Variants in FHDC1 observed in about 807,000 individuals in gnomAD.
The protein encoded by FHDC1 is FH2 domain containing 1.
In FHDC1, 25 loss-of-function variants were observed where a neutral mutation model predicts 52.6. That is an observed-to-expected ratio of 0.48 (90% CI 0.35 to 0.66). The LOEUF (loss-of-function observed/expected upper bound fraction) is 0.66, where lower values mean the gene tolerates loss of function less well. Among genes scored for constraint, FHDC1 ranks in the 30% least tolerant of loss-of-function variants. The pLI is 0.01. For synonymous variants in FHDC1, 616 were observed against 581.5 expected (o/e 1.06, Z -0.85); for missense variants, 1,459 against 1,452.8 (o/e 1.00, Z -0.07).
chr4:152,944,824 T>G (rs762946377), intron 2 of FHDC1, among the ~76,000 whole-genome samples: 2 of 152,348 alleles, frequency 1.3e-5, no homozygotes, highest in African/African-American at 2.4e-5. Flanking sequence ...TTATGCAAAG[T>G]CCTTTTATTT....
chr4:152,963,769 GTTTTTTTTTTTTTTTTTTTTTT>G (rs58783965), intron 8 of FHDC1, among the ~76,000 whole-genome samples: 71 of 51,808 alleles, frequency 1.4e-3, no homozygotes, highest in African/African-American at 4.1e-3. Context: ...CCATTGCTTT[GTTTTTTTTTTTTTTTTTTTTTT>G]TTTTTTTTTT....
At chr4:152,970,383 G>A (rs1740605607) in intron 10 of FHDC1, among the ~76,000 whole-genome samples, 2 of 152,150 alleles carry the variant, frequency 1.3e-5, no homozygotes, top group African/African-American at 4.8e-5. Flanking sequence ...TAGAACTCCT[G>A]CCCGGTAACT....
At chr4:152,919,400 T>G in the FHDC1 span, among the ~76,000 whole-genome samples, 1 of 152,232 alleles carries the variant, frequency 6.6e-6, no homozygotes, top group African/African-American at 2.4e-5. Context: ...AGCTCCAGAC[T>G]GGAATGTCTT....
upstream of FHDC1, among the ~76,000 whole-genome samples, chr4:152,935,675 C>T (rs1440714912): frequency 2.6e-5 from 4 of 152,144 alleles, no homozygotes; most frequent in Admixed American, 2.0e-4. Flanking sequence ...TGGCAGGCCC[C>T]AGGGAGGAGC....
intron 11 of FHDC1, among the ~76,000 whole-genome samples, chr4:152,973,534 G>C (rs1412398026): frequency 6.6e-6 from 1 of 152,216 alleles, no homozygotes; most frequent in Non-Finnish European, 1.5e-5. Flanking sequence ...CCATAGGCCT[G>C]TGAGGCCACC....
upstream of FHDC1, among the ~76,000 whole-genome samples, chr4:152,936,064 C>T (rs900516203): frequency 1.3e-5 from 2 of 152,012 alleles, no homozygotes; most frequent in Admixed American, 6.5e-5. Flanking sequence ...CCGGCCTAGC[C>T]CCGCACCAGC....
chr4:152,938,572 T>G (rs1364973652), intron 1 of FHDC1, among the ~76,000 whole-genome samples: 1 of 152,186 alleles, frequency 6.6e-6, no homozygotes, highest in Non-Finnish European at 1.5e-5. Flanking sequence ...TTCCCCATCC[T>G]TTTCTTCTCT....
intron 1 of FHDC1, among the ~76,000 whole-genome samples, chr4:152,939,149 G>T (rs982857621): frequency 6.6e-6 from 1 of 151,986 alleles, no homozygotes; most frequent in African/African-American, 2.4e-5. Context: ...GCGTAATCTC[G>T]GCTCACTGCA....
rs186586063 is a variant in FHDC1, at chr4:152,967,548, C to T, written c.1101-432C>T. Among the ~76,000 whole-genome samples, 86 of 152,332 alleles carry T rather than the reference C, an allele frequency of 5.6e-4. No individual in the cohort carries two copies. The South Asian group carries it at 7.2e-3, about 13-fold the overall frequency. ...GGAATCTGCTATTTTCTCACTGTTA[C>T]CCTTAGTGTTAGAATTATCAACATA... is the stretch of plus-strand genomic sequence containing the variant. On this transcript the variant is annotated intron_variant, in intron 9 of 11. Coordinates refer to ENST00000511601, the MANE Select transcript of FHDC1 (RefSeq NM_001371116.1).
intron 4 of FHDC1, among the ~76,000 whole-genome samples, chr4:152,959,942 C>T (rs1740223465): frequency 5.2e-5 from 2 of 38,592 alleles, no homozygotes; most frequent in Non-Finnish European, 9.0e-5. Context: ...GCAATCTTAA[C>T]GTCCCGTTGT....
At chr4:152,955,274 A>G (rs552511472) in intron 4 of FHDC1, among the ~76,000 whole-genome samples, 1 of 152,246 alleles carries the variant, frequency 6.6e-6, no homozygotes, top group East Asian at 1.9e-4. Flanking sequence ...CTTGGACTGA[A>G]TGAGTTAACT....
chr4:152,967,404 G>A lies in FHDC1; in HGVS notation c.1101-576G>A, dbSNP rs1007426316. 7.2e-5 allele frequency among the ~76,000 whole-genome samples: 11 copies of A among 152,186 alleles called. No homozygotes were observed. The East Asian group carries it at 2.1e-3, about 29-fold the overall frequency. Reference sequence around the variant, plus strand: ...ATCAGGCCACTGCAATCCAGCCTGAGTGACAGAGGGAGATTGTGTCTCAAA... The same window carrying A: ...ATCAGGCCACTGCAATCCAGCCTGAATGACAGAGGGAGATTGTGTCTCAAA... On this transcript the variant is annotated intron_variant, in intron 9 of 11. Coordinates refer to ENST00000511601, the MANE Select transcript of FHDC1 (RefSeq NM_001371116.1).
intron 2 of FHDC1, among the ~76,000 whole-genome samples, chr4:152,950,059 G>T (rs1211244062): frequency 2.0e-5 from 3 of 152,058 alleles, no homozygotes; most frequent in Non-Finnish European, 2.9e-5. Flanking sequence ...TCATTGGCTG[G>T]GTTTGTTTAT....
Position 152,953,577 on chromosome 4 carries a change from AT to A in FHDC1, c.560+20del. On this transcript the variant is annotated intron_variant, in intron 3 of 11. Coordinates refer to ENST00000511601, the MANE Select transcript of FHDC1 (RefSeq NM_001371116.1). ...ATTTAAGAAGTAAGATTTTGCACAC[AT>A]TTGAAACTTTAGTCATATCCCTGCT... is the stretch of plus-strand genomic sequence containing the variant. The A allele has an allele frequency of 2.5e-6, 4 of 1,605,770 alleles. No individual in the cohort carries two copies. Among genetic ancestry groups the A allele is most frequent in the Non-Finnish European group, 2.6e-6 (3 of 1,176,308 alleles).
chr4:152,976,556 G>A lies in FHDC1; in HGVS notation c.3265G>A (p.Ala1089Thr), dbSNP rs1372281315. 1 of 1,612,920 alleles carries A rather than the reference G, an allele frequency of 6.2e-7. No homozygotes were observed. The highest frequency in any genetic ancestry group is 1.1e-5 in the South Asian group (1 of 91,044). Residue 1089 changes from alanine (A) to threonine (T), a missense_variant, in exon 12 of 12, where the codon GCC (alanine) becomes ACC (threonine). Transcript: ENST00000511601. Reference protein sequence around the residue: ...APKDSSTLRRASSARAPKKRP... With the variant: ...APKDSSTLRRTSSARAPKKRP... The stretch of plus-strand genomic sequence containing the variant: ...CAAGGACAGCAGCACTTTGAGGCGA[G>A]CCAGCAGTGCCCGGGCCCCCAAGAA...
At chr4:152,936,770 G>A (rs1252526849) in intron 1 of FHDC1, among the ~76,000 whole-genome samples, 1 of 152,274 alleles carries the variant, frequency 6.6e-6, no homozygotes, top group Non-Finnish European at 1.5e-5. Flanking sequence ...TTGACTATTA[G>A]TCGTGGCTAA....
the FHDC1 span, among the ~76,000 whole-genome samples, chr4:152,921,611 T>G: frequency 7.7e-6 from 1 of 129,640 alleles, no homozygotes; most frequent in Non-Finnish European, 1.6e-5. Flanking sequence ...CCTCCCTCCC[T>G]TCCTCCCTTT....
chr4:152,916,083 A>G, the FHDC1 span, among the ~76,000 whole-genome samples: 1 of 152,222 alleles, frequency 6.6e-6, no homozygotes, highest in Non-Finnish European at 1.5e-5. Flanking sequence ...ACAAATCCAG[A>G]ATCTGAGACA....
In FHDC1 at chr4:152,976,583, C is replaced by T. The variant is rs373722069; in HGVS notation, c.3292C>T (p.Arg1098Cys). ...CAGCAGTGCCCGGGCCCCCAAGAAG[C>T]GCCCAGAGTCTGCGGAGGGTCCCAG... ...RASSARAPKK[R>C]PESAEGPSAN... is the part of the protein sequence containing the mutation. The change falls in exon 12 of 12, where the codon CGC (arginine) becomes TGC (cysteine). Residue 1098 changes from arginine (R) to cysteine (C), a missense_variant. Arg to Cys is a radical substitution (Grantham distance 180, BLOSUM62 -3). This residue lies in a region of FHDC1 where 939 missense variants were observed against 854.5 expected (regional missense o/e 1.10). Transcript: ENST00000511601. 3 of 1,612,378 alleles carry T rather than the reference C, an allele frequency of 1.9e-6. No individual in the cohort carries two copies. The highest frequency in any genetic ancestry group is 1.3e-5 in the African/African-American group (1 of 74,914).
Sources: gnomAD v4.1 joint callset for allele counts (sites outside exome capture counted in the v4.1 genomes callset) on GRCh38, gnomAD v4.1.1 for gene constraint, gnomAD v4.1.1 regional missense constraint, MANE v1.5 for transcripts, NCBI Gene and HGNC (gene_info 2026-07-23, HGNC 2026-07-21) for gene names.